Variants in LUZP2 observed in about 807,000 individuals in gnomAD.
LUZP2 encodes the protein leucine zipper protein 2.
A neutral mutation model predicts 51.6 loss-of-function variants in LUZP2; 52 were observed. The ratio of observed to expected loss-of-function variants is 1.01; its 90% CI spans 0.81 to 1.27. The LOEUF is 1.27. Among genes scored for constraint, LUZP2 ranks in the 50% most tolerant of loss-of-function variants. The pLI is 0.00. For synonymous variants in LUZP2, 154 were observed against 137.3 expected, an observed-to-expected ratio of 1.12 and a Z score of -0.85; for missense variants, 436 against 395.4, an observed-to-expected ratio of 1.10 and a Z score of -0.87.
chr11:24,931,209 CAAAATA>C (rs1196346249), intron 7 of LUZP2, among the ~76,000 whole-genome samples: 1 of 135,058 alleles, frequency 7.4e-6, no homozygotes, highest in African/African-American at 2.9e-5. Context: ...GACTCTGTCT[CAAAATA>C]AAATAAAATA....
chr11:24,710,333 G>A (rs1857763755), intron 1 of LUZP2, among the ~76,000 whole-genome samples: 1 of 151,994 alleles, frequency 6.6e-6, no homozygotes, highest in African/African-American at 2.4e-5. Flanking sequence ...TTTGCAGAAT[G>A]GCAGAATCTG....
At chr11:25,048,598 T>G (rs987692622) in intron 9 of LUZP2, among the ~76,000 whole-genome samples, 1 of 152,148 alleles carries the variant, frequency 6.6e-6, no homozygotes, top group Non-Finnish European at 1.5e-5. Flanking sequence ...TTGAATAAAT[T>G]TAATAGGATT....
At chr11:24,581,256 G>GAACA (rs559806303) in intron 1 of LUZP2, among the ~76,000 whole-genome samples, 1 of 144,178 alleles carries the variant, frequency 6.9e-6, no homozygotes, top group Non-Finnish European at 1.5e-5. Flanking sequence ...GTCATAAAAA[G>GAACA]AACAAACAAA....
intron 5 of LUZP2, among the ~76,000 whole-genome samples, chr11:24,810,690 A>G (rs1849992834): frequency 1.3e-5 from 2 of 152,200 alleles, no homozygotes; most frequent in Admixed American, 6.5e-5. Context: ...TAAAGCAGGG[A>G]ACAAGGAGTT....
At chr11:24,601,576 G>T (rs920792543) in intron 1 of LUZP2, among the ~76,000 whole-genome samples, 1 of 151,672 alleles carries the variant, frequency 6.6e-6, no homozygotes, top group Non-Finnish European at 1.5e-5. Flanking sequence ...AATAAGAAAA[G>T]TCATGCATTA....
chr11:24,499,651 A>G (rs1171174683), intron 1 of LUZP2, among the ~76,000 whole-genome samples: 2 of 152,176 alleles, frequency 1.3e-5, no homozygotes, highest in Non-Finnish European at 2.9e-5. Context: ...CGCTGGATGC[A>G]TTAGCAGGTG....
chr11:24,768,676 C>T (rs78323745), intron 5 of LUZP2, among the ~76,000 whole-genome samples: 7 of 152,018 alleles, frequency 4.6e-5, no homozygotes, highest in African/African-American at 7.3e-5. Context: ...CTAATCATCA[C>T]GAAAATGCCA....
intron 1 of LUZP2, among the ~76,000 whole-genome samples, chr11:24,684,670 C>A (rs1856844212): frequency 6.6e-6 from 1 of 152,162 alleles, no homozygotes; most frequent in South Asian, 2.1e-4. Flanking sequence ...TATGGGAGGA[C>A]AACTCTGAAG....
intron 1 of LUZP2, among the ~76,000 whole-genome samples, chr11:24,722,269 A>G (rs1042717889): frequency 6.6e-6 from 1 of 152,220 alleles, no homozygotes; most frequent in Non-Finnish European, 1.5e-5. Flanking sequence ...TGATAAAGAC[A>G]TACCTGATAC....
intron 5 of LUZP2, among the ~76,000 whole-genome samples, chr11:24,802,342 G>T (rs1049380694): frequency 2.6e-5 from 4 of 151,916 alleles, no homozygotes; most frequent in African/African-American, 9.7e-5. Context: ...GTAGCTTCCA[G>T]TTTGGGACTA....
intron 10 of LUZP2, among the ~76,000 whole-genome samples, chr11:25,051,688 AGC>A (rs1360542441): frequency 6.6e-6 from 1 of 152,158 alleles, no homozygotes; most frequent in Non-Finnish European, 1.5e-5. Flanking sequence ...TGAACAAGGG[AGC>A]TAGTTCAGGT....
chr11:24,622,359 A>C (rs947033051), intron 1 of LUZP2, among the ~76,000 whole-genome samples: 2 of 150,804 alleles, frequency 1.3e-5, no homozygotes, highest in African/African-American at 4.9e-5. Context: ...ATTCCCACCT[A>C]TGAGTGGGAA....
At chr11:25,001,534 T>C (rs1428634482) in intron 9 of LUZP2, among the ~76,000 whole-genome samples, 1 of 152,174 alleles carries the variant, frequency 6.6e-6, no homozygotes, top group Non-Finnish European at 1.5e-5. Context: ...GTGACCTCAG[T>C]GTTTTCAGGC....
rs1855894629 is a variant in LUZP2, at chr11:24,976,794, A to G, written c.597+129A>G. 5.8e-6 allele frequency: 3 copies of G among 515,128 alleles called. No individual in the cohort carries two copies. The African/African-American group carries it at 6.1e-5, about 10-fold the overall frequency. The allele number at this position is 515,128 out of a possible 1,614,324, so 31.9% of individuals were successfully genotyped here. A position where few individuals can be genotyped will look rare whatever the true frequency, so the allele number is the denominator to read the frequency against. On this transcript the variant is annotated intron_variant, in intron 8 of 11. Transcript: ENST00000336930. ...TGTTTCTAGATGCTGTGTATATAAG[A>G]TAGTTACAGAATTCAGGAAGGTTTG...
chr11:24,696,648 AG>A (rs1306482823), intron 1 of LUZP2, among the ~76,000 whole-genome samples: 3 of 152,150 alleles, frequency 2.0e-5, no homozygotes, highest in African/African-American at 4.8e-5. Flanking sequence ...AATGACAAAA[AG>A]AAAAAAAGGT....
intron 1 of LUZP2, among the ~76,000 whole-genome samples, chr11:24,535,607 T>C (rs1851153089): frequency 6.6e-6 from 1 of 151,614 alleles, no homozygotes; most frequent in South Asian, 2.1e-4. Context: ...GCAAATTCAG[T>C]TGCATCTTTA....
chr11:24,925,189 C>T (rs552817492), intron 7 of LUZP2, among the ~76,000 whole-genome samples: 4 of 152,220 alleles, frequency 2.6e-5, no homozygotes, highest in Admixed American at 2.6e-4. Context: ...AAAGAGTCTG[C>T]TTTGCCAGTC....
chr11:24,559,898 G>T (rs1590179855), intron 1 of LUZP2, among the ~76,000 whole-genome samples: 3 of 152,238 alleles, frequency 2.0e-5, no homozygotes, highest in Middle Eastern at 3.4e-3. Flanking sequence ...TCCAAGACTG[G>T]TGTTTTTTTA....
chr11:25,069,953 T>C (rs999155543), intron 10 of LUZP2, among the ~76,000 whole-genome samples: 3 of 151,920 alleles, frequency 2.0e-5, no homozygotes, highest in Non-Finnish European at 4.4e-5. Flanking sequence ...TTACTTCTTA[T>C]TTATTTAAAT....
Sources: gnomAD v4.1 joint callset for allele counts (sites outside exome capture counted in the v4.1 genomes callset) on GRCh38, gnomAD v4.1.1 for gene constraint, MANE v1.5 for transcripts, NCBI Gene and HGNC (gene_info 2026-07-23, HGNC 2026-07-21) for gene names.